TBC1D14: variants seen among roughly 807,000 people sequenced by gnomAD.
The protein encoded by TBC1D14 is TBC1 domain family, member 14.
In TBC1D14, 26 loss-of-function variants were observed where a neutral mutation model predicts 79.0. The ratio of observed to expected loss-of-function variants is 0.33; its 90% CI spans 0.24 to 0.46. TBC1D14 has a LOEUF of 0.46. Among genes scored for constraint, TBC1D14 ranks in the 20% least tolerant of loss-of-function variants. The probability of loss-of-function intolerance (pLI) is 1.00; values close to 1 mark genes in which losing one functional copy is unlikely to be tolerated. For synonymous variants in TBC1D14, 394 were observed against 349.9 expected, an observed-to-expected ratio of 1.13 and a Z score of -1.40; for missense variants, 769 against 887.6, an observed-to-expected ratio of 0.87 and a Z score of 1.70.
intron 3 of TBC1D14, chr4:6,987,164 G>A (rs1717928354): frequency 2.5e-6 from 3 of 1,189,826 alleles, no homozygotes; most frequent in South Asian, 3.9e-5. Context: ...CGAGCCGGCA[G>A]CGCGGATCGC....
intron 9 of TBC1D14, 64 bp from the exon 10 acceptor site, chr4:7,009,811 CAG>C (rs1209865062): frequency 6.7e-7 from 1 of 1,498,694 alleles, no homozygotes; most frequent in Non-Finnish European, 9.3e-7. Context: ...GTAGTAGTAT[CAG>C]ATGTTCGTCT....
chr4:6,928,572 C>G (rs1724468006), intron 2 of TBC1D14, among the ~76,000 whole-genome samples: 1 of 152,158 alleles, frequency 6.6e-6, no homozygotes, highest in Non-Finnish European at 1.5e-5. Context: ...GTGGCTCATG[C>G]CTGTAATCCC....
chr4:6,913,436 G>A (rs761230615), intron 1 of TBC1D14, among the ~76,000 whole-genome samples: 2 of 152,318 alleles, frequency 1.3e-5, no homozygotes, highest in South Asian at 4.1e-4. Flanking sequence ...AGAGGAAGGG[G>A]GATAAAGTTT....
chr4:7,006,747 G>A (rs553039279), intron 9 of TBC1D14, 21 bp downstream of exon 9: 1 of 1,598,388 alleles, frequency 6.3e-7, no homozygotes, highest in East Asian at 2.2e-5. Context: ...GTGACTTGTT[G>A]CTTTCAAGTA....
chr4:6,974,823 T>TAA (rs35475100), intron 3 of TBC1D14, among the ~76,000 whole-genome samples: 6 of 149,008 alleles, frequency 4.0e-5, no homozygotes, highest in African/African-American at 4.9e-5. Flanking sequence ...GAATCATCTT[T>TAA]AAAAAAAAAA....
At chr4:6,994,816 C>A (rs1402352706) in intron 4 of TBC1D14, among the ~76,000 whole-genome samples, 2 of 149,644 alleles carry the variant, frequency 1.3e-5, no homozygotes, top group Non-Finnish European at 3.0e-5. Context: ...GCCAAGATCA[C>A]ACCATTAATT....
chr4:6,911,655 C>G (rs1260382281), intron 1 of TBC1D14, among the ~76,000 whole-genome samples: 1 of 152,236 alleles, frequency 6.6e-6, no homozygotes, highest in African/African-American at 2.4e-5. Flanking sequence ...GAATTCCTGT[C>G]TTTCATGCCT....
intron 3 of TBC1D14, among the ~76,000 whole-genome samples, chr4:6,983,511 G>GT (rs1717561659): frequency 2.0e-5 from 3 of 152,314 alleles, no homozygotes; most frequent in Admixed American, 6.5e-5. Flanking sequence ...TACTCTGGAA[G>GT]TTTTGGCTTG....
intron 1 of TBC1D14, among the ~76,000 whole-genome samples, chr4:6,912,442 G>C (rs1723081038): frequency 6.6e-6 from 1 of 151,876 alleles, no homozygotes; most frequent in African/African-American, 2.4e-5. Context: ...GGCCCGGGTG[G>C]TTTAGAATTC....
At chr4:6,942,039 T>C (rs1195840622) in intron 2 of TBC1D14, among the ~76,000 whole-genome samples, 1 of 152,226 alleles carries the variant, frequency 6.6e-6, no homozygotes, top group East Asian at 1.9e-4. Context: ...TCTTCAGCCA[T>C]CAGCCACTTG....
Position 6,930,798 on chromosome 4 carries a change from CAA to C in TBC1D14, c.722+6700_722+6701del, listed in dbSNP as rs35354700. On this transcript the variant is annotated intron_variant, in intron 2 of 13. Transcript: ENST00000409757. ...GGGCAACAGAGTGAGACTCCATCTCCAAAAAAAAAAAAAACCTGTGAGGGGTC... is the reference window on the plus strand; with the variant it reads ...GGGCAACAGAGTGAGACTCCATCTCCAAAAAAAAAAAACCTGTGAGGGGTC... Among the ~76,000 whole-genome samples the C allele has an allele frequency of 7.8e-4, 108 of 139,270 alleles. 2 individuals carry two copies. The Middle Eastern group carries it at 0.011, about 14-fold the overall frequency. The allele number at this position is 139,270 out of a possible 152,430, so 91.4% of individuals were successfully genotyped here.
Position 7,001,233 on chromosome 4 carries a change from G to A in TBC1D14, c.1252G>A (p.Glu418Lys). ...GKVWSLAIGN[E>K]LNITHELFDI... The stretch of plus-strand genomic sequence containing the variant: ...AGTCTGGAGCTTAGCCATTGGCAAC[G>A]AGTTAAATATCACCCACGGTGAGTG... Residue 418 changes from glutamate (E) to lysine (K), a missense_variant, in exon 7 of 14, where the codon GAG (glutamate) becomes AAG (lysine). Coordinates refer to ENST00000409757, the MANE Select transcript of TBC1D14 (RefSeq NM_020773.3). The A allele has an allele frequency of 1.2e-6, 2 of 1,614,050 alleles. No individual in the cohort carries two copies. The highest frequency in any genetic ancestry group is 1.7e-6 in the Non-Finnish European group (2 of 1,179,978).
intron 3 of TBC1D14, among the ~76,000 whole-genome samples, chr4:6,971,529 A>G (rs139075189): frequency 1.6e-4 from 24 of 152,314 alleles, no homozygotes; most frequent in African/African-American, 5.8e-4. Flanking sequence ...TTCAAATTGC[A>G]TAAACATTTT....
intron 11 of TBC1D14, among the ~76,000 whole-genome samples, chr4:7,013,550 G>T (rs749422241): frequency 6.6e-6 from 1 of 152,156 alleles, no homozygotes; most frequent in East Asian, 1.9e-4. Context: ...ACCGTCCACC[G>T]TTGGAAAGCA....
intron 6 of TBC1D14, 80 bp from the exon 7 acceptor site, chr4:7,001,062 TTGG>T (rs1164599610): frequency 5.2e-6 from 6 of 1,150,684 alleles, no homozygotes; most frequent in Non-Finnish European, 7.7e-6. Flanking sequence ...ATCCCAGCTC[TTGG>T]TGGTTCGGGG....
At chr4:6,950,851 A>G (rs1713975038) in intron 2 of TBC1D14, among the ~76,000 whole-genome samples, 1 of 152,176 alleles carries the variant, frequency 6.6e-6, no homozygotes, top group Non-Finnish European at 1.5e-5. Flanking sequence ...TTATAAGGGT[A>G]TGGGCTGTAA....
intron 1 of TBC1D14, among the ~76,000 whole-genome samples, chr4:6,914,029 ACTCAGGATGCTGAGGTGGGAGG>A (rs528974642): frequency 2.0e-4 from 31 of 151,826 alleles, no homozygotes; most frequent in Non-Finnish European, 4.1e-4. Context: ...GGTCCCAGCT[ACTCAGGATGCTGAGGTGGGAGG>A]CTCACTTGAG....
chr4:7,026,968 T>C (rs1170571185), intron 13 of TBC1D14, among the ~76,000 whole-genome samples: 1 of 152,038 alleles, frequency 6.6e-6, no homozygotes, highest in Non-Finnish European at 1.5e-5. Context: ...ATCTCAACAC[T>C]TTGAGAGGCT....
rs71173472 is a variant in TBC1D14 at position 6,945,749 on chromosome 4, C to CAAAAAAAAAAAAAAAAAAAAAAAAAAA, written c.723-21547_723-21521dup. Reference sequence around the variant, plus strand: ...GGGCAACTAGAGCAAAACTGCGTCTCAAAAAAAAAAAAAAAAAAAAAAAAA... The same window carrying CAAAAAAAAAAAAAAAAAAAAAAAAAAA: ...GGGCAACTAGAGCAAAACTGCGTCTCAAAAAAAAAAAAAAAAAAAAAAAAAAAAAAAAAAAAAAAAAAAAAAAAAAAA... On this transcript the variant is annotated intron_variant, in intron 2 of 13. Transcript: ENST00000409757. 9.4e-5 allele frequency among the ~76,000 whole-genome samples: 6 copies of CAAAAAAAAAAAAAAAAAAAAAAAAAAA among 64,134 alleles called. 1 individual carries two copies. Among genetic ancestry groups the CAAAAAAAAAAAAAAAAAAAAAAAAAAA allele is most frequent in the South Asian group, 9.0e-4 (1 of 1,106 alleles). 42.1% of individuals were successfully genotyped at this position (64,134 alleles called of 152,430 possible).
Sources: allele counts gnomAD v4.1 joint callset (sites outside exome capture counted in the v4.1 genomes callset), GRCh38; gene constraint gnomAD v4.1.1; transcripts MANE v1.5; gene names NCBI Gene and HGNC (gene_info 2026-07-23, HGNC 2026-07-21).